Variants in CMC1 observed in about 807,000 individuals in gnomAD.
The protein encoded by CMC1 is C-X9-C motif containing 1, also known as COX assembly mitochondrial protein homolog.
A neutral mutation model predicts 14.1 loss-of-function variants in CMC1; 14 were observed. The observed-to-expected ratio is 0.99, with a 90% CI of 0.66 to 1.55. The LOEUF is 1.55. CMC1 is among the 40% of genes most tolerant of loss of function. The pLI is 0.00. For missense variants in CMC1, 127 were observed against 123.8 expected, an observed-to-expected ratio of 1.03 and a Z score of -0.12; for synonymous variants, 50 against 38.4, an observed-to-expected ratio of 1.30 and a Z score of -1.12.
Position 28,309,913 on chromosome 3 carries a change from A to G in CMC1, c.110-6420A>G, listed in dbSNP as rs1012302251. Among the ~76,000 whole-genome samples the G allele has an allele frequency of 2.9e-5, 4 of 135,868 alleles. No individual in the cohort carries two copies. The East Asian group carries it at 8.8e-4, about 30-fold the overall frequency. The allele number at this position is 135,868 out of a possible 152,430, so 89.1% of individuals were successfully genotyped here. ...ATTGCCTGCTGGTCATACTTGGTAC[A>G]TGCCTTTTCTCCTCCACCTGACGTC... On this transcript the variant is annotated intron_variant, in intron 2 of 3. Transcript: ENST00000466830.
chr3:28,324,353 G>T lies in CMC1; in HGVS notation c.*4724G>T. 1 of 1,597,198 alleles carries T rather than the reference G, an allele frequency of 6.3e-7. No homozygotes were observed. Among genetic ancestry groups the T allele is most frequent in the South Asian group, 1.1e-5 (1 of 88,968 alleles). Reference sequence around the variant, plus strand: ...GTATGACAAAGAGCTTTGCCATTTGGTAAGAGAGGGGGATGTCTTGTGTAT... The same window carrying T: ...GTATGACAAAGAGCTTTGCCATTTGTTAAGAGAGGGGGATGTCTTGTGTAT... On this transcript the variant is annotated 3_prime_UTR_variant, in exon 4 of 4. Coordinates refer to ENST00000466830, the MANE Select transcript of CMC1 (RefSeq NM_182523.2).
chr3:28,316,093 T>C (rs1486994843), intron 2 of CMC1: 3 of 304,082 alleles, frequency 9.9e-6, no homozygotes, highest in Non-Finnish European at 1.8e-5. Flanking sequence ...ACAAAGTGAA[T>C]ATCACTCATC....
rs1699267065 is a variant in CMC1, at chr3:28,254,005, G to A, written c.20-9286G>A. On this transcript the variant is annotated intron_variant, in intron 1 of 3. Transcript: ENST00000466830. ...ACTGCCATATTGCAAGAACACATGA[G>A]CCCCAAAGCAAAATATGAGCTAACA... Among the ~76,000 whole-genome samples the A allele has an allele frequency of 2.0e-5, 3 of 152,110 alleles. No homozygotes were observed. The South Asian group carries it at 6.2e-4, about 32-fold the overall frequency.
chr3:28,265,226 A>G (rs1356272799), intron 2 of CMC1, among the ~76,000 whole-genome samples: 1 of 152,088 alleles, frequency 6.6e-6, no homozygotes, highest in African/African-American at 2.4e-5. Context: ...ATATAATTTG[A>G]ATATCTTATA....
Position 28,274,220 on chromosome 3 carries a change from C to CTTTTTTTTTTTTTTTTTTTTTTTTTT in CMC1, c.109+10855_109+10856insTTTTTTTTTTTTTTTTTTTTTTTTTT, listed in dbSNP as rs544985268. On this transcript the variant is annotated intron_variant, in intron 2 of 3. Transcript: ENST00000466830. Reference sequence around the variant, plus strand: ...TGTACTAAAGTGTTTTTGTTTTTTTCTTTTTTTTTTTTTTTGCAGTGGCTA... The same window carrying CTTTTTTTTTTTTTTTTTTTTTTTTTT: ...TGTACTAAAGTGTTTTTGTTTTTTTCTTTTTTTTTTTTTTTTTTTTTTTTTTTTTTTTTTTTTTTTTGCAGTGGCTA... Among the ~76,000 whole-genome samples the CTTTTTTTTTTTTTTTTTTTTTTTTTT allele has an allele frequency of 1.8e-5, 2 of 112,326 alleles. 1 individual carries two copies. Among genetic ancestry groups the CTTTTTTTTTTTTTTTTTTTTTTTTTT allele is most frequent in the Non-Finnish European group, 3.5e-5 (2 of 57,904 alleles). The allele number at this position is 112,326 out of a possible 152,430, so 73.7% of individuals were successfully genotyped here. A position where few individuals can be genotyped will look rare whatever the true frequency, so the allele number is the denominator to read the frequency against.
intron 1 of CMC1, among the ~76,000 whole-genome samples, chr3:28,257,600 C>A (rs564860415): frequency 1.3e-5 from 2 of 152,098 alleles, no homozygotes. Context: ...CTGACTGCAA[C>A]CTCCGCCTCC....
rs1703207873 is a variant in CMC1 at position 28,322,229 on chromosome 3, A to G, written c.*2600A>G. 1 of 151,274 alleles carries G rather than the reference A, an allele frequency of 6.6e-6. No individual in the cohort carries two copies. The highest frequency in any genetic ancestry group is 6.6e-5 in the Admixed American group (1 of 15,114). The allele number at this position is 151,274 out of a possible 1,614,324, so 9.4% of individuals were successfully genotyped here. A position where few individuals can be genotyped will look rare whatever the true frequency, so the allele number is the denominator to read the frequency against. On this transcript the variant is annotated 3_prime_UTR_variant, in exon 4 of 4. Transcript: ENST00000466830. ...TAGCTATCATCACTGTACTGTTTAA[A>G]TGGAAAATAATTTTCTCCACTCAAA...
chr3:28,276,085 G>A (rs1183487127), intron 2 of CMC1, among the ~76,000 whole-genome samples: 3 of 152,090 alleles, frequency 2.0e-5, no homozygotes, highest in African/African-American at 4.8e-5. Context: ...CCTCTCCCCG[G>A]GAACTCAGTA....
intron 1 of CMC1, chr3:28,263,070 A>T (rs145430767): frequency 6.6e-6 from 3 of 451,196 alleles, no homozygotes; most frequent in African/African-American, 6.2e-5. Context: ...AGAAATTTTA[A>T]GAAACATGTT....
chr3:28,323,729 T>C lies in CMC1; in HGVS notation c.*4100T>C, dbSNP rs1703267217. ...GTAAAACCACGTCTACAATCTCCAA[T>C]TCCATTCTTCTGAGAGGCAAAATTT... On this transcript the variant is annotated 3_prime_UTR_variant, in exon 4 of 4. Transcript: ENST00000466830. 2 of 203,198 alleles carry C rather than the reference T, an allele frequency of 9.8e-6. No individual in the cohort carries two copies. The highest frequency in any genetic ancestry group is 2.0e-5 in the Non-Finnish European group (2 of 102,162). 12.6% of individuals were successfully genotyped at this position (203,198 alleles called of 1,614,324 possible). A position where few individuals can be genotyped will look rare whatever the true frequency, so the allele number is the denominator to read the frequency against.
Position 28,263,380 on chromosome 3 carries a change from G to T in CMC1, c.109G>T (p.Asp37Tyr). ...AGAGAGGTGTTCTGAACAAGTTCAA[G>T]GTAACATTCAAATATTCATGTAAAG... ...AKERCSEQVQ[D>Y]FTKCCKNSGV... The change falls in exon 2 of 4, where the codon GAT (aspartate) becomes TAT (tyrosine). Residue 37 changes from aspartate to tyrosine, a missense_variant and splice_region_variant. By Grantham distance (160) the Asp-to-Tyr change is radical (BLOSUM62 -3). Transcript: ENST00000466830. 1 of 1,564,910 alleles carries T rather than the reference G, an allele frequency of 6.4e-7. No individual in the cohort carries two copies. Among genetic ancestry groups the T allele is most frequent in the South Asian group, 1.2e-5 (1 of 85,564 alleles).
chr3:28,301,213 G>T (rs1702029080), intron 2 of CMC1, among the ~76,000 whole-genome samples: 1 of 151,994 alleles, frequency 6.6e-6, no homozygotes, highest in Non-Finnish European at 1.5e-5. Flanking sequence ...CCTTACAGAT[G>T]GGAACCTATT....
At chr3:28,281,901 C>A (rs1700914417) in intron 2 of CMC1, among the ~76,000 whole-genome samples, 2 of 152,054 alleles carry the variant, frequency 1.3e-5, no homozygotes, top group Admixed American at 1.3e-4. Flanking sequence ...GTTGATACAG[C>A]AGCAAAGAGA....
chr3:28,296,141 A>C (rs1701728340), intron 2 of CMC1, among the ~76,000 whole-genome samples: 1 of 152,078 alleles, frequency 6.6e-6, no homozygotes, highest in South Asian at 2.1e-4. Context: ...TTGTAAGACT[A>C]AACAGGCCAG....
Position 28,316,428 on chromosome 3 carries a change from G to C in CMC1, c.200+5G>C, listed in dbSNP as rs758073481. The C allele has an allele frequency of 1.5e-5, 24 of 1,552,446 alleles. No individual in the cohort carries two copies. Among genetic ancestry groups the C allele is most frequent in the Non-Finnish European group, 1.9e-5 (22 of 1,137,984 alleles). On this transcript the variant is annotated splice_donor_5th_base_variant and intron_variant, in intron 3 of 3. Coordinates refer to ENST00000466830, the MANE Select transcript of CMC1 (RefSeq NM_182523.2). Reference sequence around the variant, plus strand: ...GAAAGAATGTCTAACTGCTTAGTAAGTAGTTGTCTCAGCGTTTGTGCTTGT... The same window carrying C: ...GAAAGAATGTCTAACTGCTTAGTAACTAGTTGTCTCAGCGTTTGTGCTTGT...
chr3:28,291,551 G>A, intron 2 of CMC1, among the ~76,000 whole-genome samples: 1 of 151,962 alleles, frequency 6.6e-6, no homozygotes, highest in East Asian at 1.9e-4. Flanking sequence ...ACTATTCCTT[G>A]AAGTCTAGTT....
At chr3:28,250,254 G>A (rs572649967) in intron 1 of CMC1, among the ~76,000 whole-genome samples, 2 of 152,278 alleles carry the variant, frequency 1.3e-5, no homozygotes, top group East Asian at 3.9e-4. Flanking sequence ...GCAACAGAAC[G>A]AGTGCAGGCA....
intron 1 of CMC1, among the ~76,000 whole-genome samples, chr3:28,255,488 C>T (rs1317624456): frequency 2.0e-5 from 3 of 151,824 alleles, no homozygotes; most frequent in Non-Finnish European, 2.9e-5. Context: ...TCAAGTGAGC[C>T]GCCTGCTTCA....
intron 1 of CMC1, among the ~76,000 whole-genome samples, chr3:28,247,668 T>G (rs1698896825): frequency 6.6e-6 from 1 of 152,230 alleles, no homozygotes; most frequent in Non-Finnish European, 1.5e-5. Flanking sequence ...GGAATCTTAG[T>G]TGGATAGTAA....
Sources: gnomAD v4.1 joint callset for allele counts (sites outside exome capture counted in the v4.1 genomes callset) on GRCh38, gnomAD v4.1.1 for gene constraint, MANE v1.5 for transcripts, NCBI Gene and HGNC (gene_info 2026-07-23, HGNC 2026-07-21) for gene names.